SNX19: variants seen among roughly 807,000 people sequenced by gnomAD.
SNX19 encodes the protein sorting nexin-19.
SNX19 carries 60 observed loss-of-function variants against 85.2 expected under a neutral mutation model. The observed-to-expected ratio is 0.70, with a 90% CI of 0.57 to 0.87. The LOEUF (loss-of-function observed/expected upper bound fraction) is 0.87, where lower values mean the gene tolerates loss of function less well. Ranked by LOEUF, SNX19 falls within the 40% of genes least tolerant of loss-of-function variation. The pLI, the probability that SNX19 is intolerant of heterozygous loss-of-function variation, is 0.00. For synonymous variants in SNX19, 520 were observed against 470.0 expected, an observed-to-expected ratio of 1.11 and a Z score of -1.38; for missense variants, 1,201 against 1,217.8, an observed-to-expected ratio of 0.99 and a Z score of 0.21.
chr11:130,878,635 C>G (rs1197313844), intron 10 of SNX19, 81 bp from the exon 11 acceptor site: 1 of 1,498,024 alleles, frequency 6.7e-7, no homozygotes, highest in Non-Finnish European at 9.0e-7. Flanking sequence ...ATTTTCTCCT[C>G]CCCCATCACC....
chr11:130,872,240 G>C lies in SNX19; in HGVS notation c.*6182C>G, dbSNP rs936383352. Among the ~76,000 whole-genome samples the C allele has an allele frequency of 2.0e-5, 3 of 152,146 alleles. No individual in the cohort carries two copies. The highest frequency in any genetic ancestry group is 4.4e-5 in the Non-Finnish European group (3 of 68,028). On this transcript the variant is annotated 3_prime_UTR_variant, in exon 11 of 11. Coordinates refer to ENST00000265909, the MANE Select transcript of SNX19 (RefSeq NM_014758.3). ...AGAGTTAAAATGGACTTTCAGACCA[G>C]AGACAGGTGAGGATGACAGGGAGGC... is the stretch of plus-strand genomic sequence containing the variant.
In SNX19 at chr11:130,906,107, C is replaced by T. The variant is rs201450038; in HGVS notation, c.2289G>A (p.Ala763=). Reference sequence around the variant, plus strand: ...TCTGTTTTTCAATAAAAGATTCCATCGCAGACATGGATAGAGTCTCAGACT... The same window carrying T: ...TCTGTTTTTCAATAAAAGATTCCATTGCAGACATGGATAGAGTCTCAGACT... ...NVESETLSMS[A]MESFIEKQTK... The change falls in exon 7 of 11, where the codon GCG becomes GCA. Residue 763 remains alanine (A), a synonymous_variant. Transcript: ENST00000265909. 1.5e-5 allele frequency: 24 copies of T among 1,613,862 alleles called. No homozygotes were observed. Among genetic ancestry groups the T allele is most frequent in the East Asian group, 2.2e-5 (1 of 44,884 alleles).
At chr11:130,897,224 C>T (rs1329324366) in intron 8 of SNX19, among the ~76,000 whole-genome samples, 21 of 151,992 alleles carry the variant, frequency 1.4e-4, no homozygotes. Flanking sequence ...AACCTGCACA[C>T]CCTTTCTTTT....
At position 130,891,888 on chromosome 11, in the gene SNX19, T is replaced by G. The variant is rs190540461; in HGVS notation, c.2574-11082A>C. Among the ~76,000 whole-genome samples, 1,287 of 149,776 alleles carry G rather than the reference T, an allele frequency of 8.6e-3. 15 individuals carry two copies. Among genetic ancestry groups the G allele is most frequent in the African/African-American group, 0.029 (1,198 of 40,820 alleles). On this transcript the variant is annotated intron_variant, in intron 8 of 10. Coordinates refer to ENST00000265909, the MANE Select transcript of SNX19 (RefSeq NM_014758.3). ...GACAGTCTCATTCTGTCGCCCAGGCTGGAGTGCAGTGGTGCAATCTCGGCT... is the reference window on the plus strand; with the variant it reads ...GACAGTCTCATTCTGTCGCCCAGGCGGGAGTGCAGTGGTGCAATCTCGGCT...
At chr11:130,883,024 T>C (rs1056358895) in intron 8 of SNX19, among the ~76,000 whole-genome samples, 1 of 152,210 alleles carries the variant, frequency 6.6e-6, no homozygotes, top group Non-Finnish European at 1.5e-5. Context: ...CATTAATTTA[T>C]CTGATGGGGA....
At chr11:130,880,253 G>C (rs143287800) in intron 9 of SNX19, among the ~76,000 whole-genome samples, 1 of 152,222 alleles carries the variant, frequency 6.6e-6, no homozygotes, top group East Asian at 1.9e-4. Context: ...CTATGAATTG[G>C]TAGAGAATCT....
At chr11:130,893,656 T>C (rs1207775109) in intron 8 of SNX19, 2 of 616,046 alleles carry the variant, frequency 3.2e-6, no homozygotes, top group African/African-American at 1.8e-5. Context: ...ATAGGAACTT[T>C]GGGAGCACTG....
chr11:130,889,731 G>A (rs1234859405), intron 8 of SNX19, among the ~76,000 whole-genome samples: 1 of 151,960 alleles, frequency 6.6e-6, no homozygotes, highest in African/African-American at 2.4e-5. Flanking sequence ...CTCTTCACTG[G>A]GTTGATGGTC....
In SNX19 at chr11:130,879,675, C is replaced by T. The variant is rs368460883; in HGVS notation, c.2795G>A (p.Arg932Gln). 102 of 1,613,730 alleles carry T rather than the reference C, an allele frequency of 6.3e-5. No individual in the cohort carries two copies. Among genetic ancestry groups the T allele is most frequent in the East Asian group, 5.3e-4 (24 of 44,876 alleles). Residue 932 changes from arginine to glutamine, a missense_variant, in exon 10 of 11, where the codon CGG (arginine) becomes CAG (glutamine). Transcript: ENST00000265909. The part of the protein sequence containing the change: ...VVEILGVNKC[R>Q]LSWGLVLESL... ...CTCCAGGACTAGACCCCAGCTCAGC[C>T]GGCATTTGTTCACCCCAAGAATTTC...
rs745879407 is a variant in SNX19, at chr11:130,903,252, T to C, written c.2573+3A>G. On this transcript the variant is annotated splice_donor_region_variant and intron_variant, in intron 8 of 10. Transcript: ENST00000265909. ...GATGTGAGGGAGAATTCAGCAGTCT[T>C]ACCTTTGAACTAGGGTCCCAAAGAT... 1 of 1,613,646 alleles carries C rather than the reference T, an allele frequency of 6.2e-7. No individual in the cohort carries two copies. The highest frequency in any genetic ancestry group is 2.2e-5 in the East Asian group (1 of 44,870).
chr11:130,885,802 A>G (rs1161877065), intron 8 of SNX19, among the ~76,000 whole-genome samples: 1 of 152,244 alleles, frequency 6.6e-6, no homozygotes, highest in African/African-American at 2.4e-5. Context: ...AAAGGAAAAG[A>G]GAAAGAAAAG....
intron 8 of SNX19, among the ~76,000 whole-genome samples, chr11:130,901,091 G>C (rs1249055616): frequency 6.6e-6 from 1 of 152,174 alleles, no homozygotes; most frequent in African/African-American, 2.4e-5. Context: ...AATTCACGTT[G>C]TTTGGCATGG....
In SNX19 at chr11:130,869,843, C is replaced by T. The variant is rs1488511220; in HGVS notation, c.*8579G>A. 6.6e-6 allele frequency: 1 copy of T among 151,174 alleles called. No individual in the cohort carries two copies. Among genetic ancestry groups the T allele is most frequent in the Non-Finnish European group, 1.5e-5 (1 of 67,932 alleles). 9.4% of individuals were successfully genotyped at this position (151,174 alleles called of 1,614,324 possible). The stretch of plus-strand genomic sequence containing the variant: ...TAAGTTGATGTCCATATTGATTTAA[C>T]TATCAAAAAGGCAATTAGATTAGTG... On this transcript the variant is annotated 3_prime_UTR_variant, in exon 11 of 11. Transcript: ENST00000265909.
Position 130,910,004 on chromosome 11 carries a change from G to A in SNX19, c.2034+14C>T. ...GATCAAAACTAAAGCTGAGCACAGT[G>A]GCCCTGCTGGTACCTTGTCTATTCT... is the stretch of plus-strand genomic sequence containing the variant. On this transcript the variant is annotated intron_variant, in intron 4 of 10. Transcript: ENST00000265909. 1 of 1,612,474 alleles carries A rather than the reference G, an allele frequency of 6.2e-7. No individual in the cohort carries two copies. The highest frequency in any genetic ancestry group is 8.5e-7 in the Non-Finnish European group (1 of 1,179,956).
rs897947397 is a variant in SNX19 at position 130,869,721 on chromosome 11, T to C, written c.*8701A>G. 2.6e-5 allele frequency: 4 copies of C among 152,176 alleles called. No homozygotes were observed. The highest frequency in any genetic ancestry group is 2.0e-4 in the Admixed American group (3 of 15,284). 9.4% of individuals were successfully genotyped at this position (152,176 alleles called of 1,614,324 possible). A position where few individuals can be genotyped will look rare whatever the true frequency, so the allele number is the denominator to read the frequency against. ...TCTTAGGGTCGGTAGTTATTCTGACTTCACAGAAGGGAATATCTGGCCAAC... is the reference window on the plus strand; with the variant it reads ...TCTTAGGGTCGGTAGTTATTCTGACCTCACAGAAGGGAATATCTGGCCAAC... On this transcript the variant is annotated 3_prime_UTR_variant, in exon 11 of 11. Transcript: ENST00000265909.
At chr11:130,903,086 G>T in intron 8 of SNX19, 169 bp downstream of exon 8, 1 of 824,276 alleles carries the variant, frequency 1.2e-6, no homozygotes, top group South Asian at 1.9e-5. Context: ...CAACAAGGTA[G>T]TCAATAAAAG....
chr11:130,898,113 T>C (rs1945003562), intron 8 of SNX19, among the ~76,000 whole-genome samples: 1 of 151,880 alleles, frequency 6.6e-6, no homozygotes, highest in African/African-American at 2.4e-5. Flanking sequence ...TCTTCCAACT[T>C]TGGCTTAGAA....
Position 130,880,682 on chromosome 11 carries a change from G to A in SNX19, c.2698C>T (p.Gln900Ter). The change falls in exon 9 of 11, where the codon CAA (glutamine) becomes TAA (stop). Residue 900 changes from glutamine to a stop codon, truncating the protein, a stop_gained. Coordinates refer to ENST00000265909, the MANE Select transcript of SNX19 (RefSeq NM_014758.3). LOFTEE classifies it high-confidence loss of function. ...LPKFPRPVRTQEQKLAAEKQA... is the reference protein window; with the variant it reads ...LPKFPRPVRT ...TTCTCAGCAGCCAGTTTCTGCTCTT[G>A]GGTCCTTACGGGCCGTGGAAACTTA... 6.2e-7 allele frequency: 1 copy of A among 1,612,234 alleles called. No homozygotes were observed.
chr11:130,889,412 A>C (rs928831308), intron 8 of SNX19, among the ~76,000 whole-genome samples: 15 of 152,056 alleles, frequency 9.9e-5, no homozygotes, highest in African/African-American at 3.6e-4. Flanking sequence ...AAAGACTCTT[A>C]AGGTTTTGAA....
Sources: allele counts gnomAD v4.1 joint callset (sites outside exome capture counted in the v4.1 genomes callset), GRCh38; gene constraint gnomAD v4.1.1; transcripts MANE v1.5; gene names NCBI Gene and HGNC (gene_info 2026-07-23, HGNC 2026-07-21).